Variants in OR11H4 observed in about 807,000 individuals in gnomAD.
OR11H4 encodes olfactory receptor 11H4.
For missense variants in OR11H4, 460 were observed against 371.1 expected (o/e 1.24, Z -1.97); for synonymous variants, 162 against 142.3 (o/e 1.14, Z -0.98).
In OR11H4 at chr14:20,240,008, A is replaced by T. The variant is rs892751966; in HGVS notation, c.-12+677A>T. On this transcript the variant is annotated intron_variant, in intron 1 of 1. Transcript: ENST00000641082. ...TTCTCCAAAGGCTTCAGAAAAAACAATGTTGCTGCTAATAAAGCACTTGCA... is the reference window on the plus strand; with the variant it reads ...TTCTCCAAAGGCTTCAGAAAAAACATTGTTGCTGCTAATAAAGCACTTGCA... Among the ~76,000 whole-genome samples the T allele has an allele frequency of 3.3e-5, 5 of 152,338 alleles. No individual in the cohort carries two copies. The East Asian group carries it at 9.6e-4, about 29-fold the overall frequency.
At chr14:20,241,937 CA>C (rs765333191) in intron 1 of OR11H4, among the ~76,000 whole-genome samples, 6 of 152,178 alleles carry the variant, frequency 3.9e-5, no homozygotes, top group Non-Finnish European at 8.8e-5. Flanking sequence ...TAAAGAATAA[CA>C]AGGCAGCATT....
In OR11H4 at chr14:20,242,851, A is replaced by G. The variant is rs758373198; in HGVS notation, c.30A>G (p.Thr10=). 1.2e-6 allele frequency: 2 copies of G among 1,613,962 alleles called. No homozygotes were observed. Among genetic ancestry groups the G allele is most frequent in the South Asian group, 1.1e-5 (1 of 91,070 alleles). MNRSATHIV[T]EFILLGFPGC... is the part of the protein sequence containing the mutation. ...ACAGGTCAGCAACACACATCGTGAC[A>G]GAGTTTATTCTCCTGGGATTCCCTG... is the stretch of plus-strand genomic sequence containing the variant. The change falls in exon 2 of 2, where the codon ACA becomes ACG. Residue 10 remains threonine, a synonymous_variant. Transcript: ENST00000641082.
rs549237030 is a variant in OR11H4, at chr14:20,240,924, C to T, written c.-12+1593C>T. Among the ~76,000 whole-genome samples the T allele has an allele frequency of 2.6e-5, 4 of 152,166 alleles. No individual in the cohort carries two copies. In the South Asian group the frequency reaches 6.2e-4, roughly 24 times the overall value. On this transcript the variant is annotated intron_variant, in intron 1 of 1. Coordinates refer to ENST00000641082, the MANE Select transcript of OR11H4 (RefSeq NM_001004479.2). The stretch of plus-strand genomic sequence containing the variant: ...TAATCAGCACATTTTAAGTATTAAT[C>T]AAGTATAAGATTACTGTTGTTTAAA...
At chr14:20,239,649 G>A (rs933073332) in intron 1 of OR11H4, among the ~76,000 whole-genome samples, 35 of 151,742 alleles carry the variant, frequency 2.3e-4, no homozygotes, top group African/African-American at 6.8e-4. Context: ...AGCCGAGATC[G>A]CGCCACTGCA....
At chr14:20,241,056 C>CA (rs1358983182) in intron 1 of OR11H4, among the ~76,000 whole-genome samples, 3 of 151,904 alleles carry the variant, frequency 2.0e-5, no homozygotes, top group Non-Finnish European at 4.4e-5. Flanking sequence ...TTTCAGTAAA[C>CA]AAAATTCTAA....
Position 20,243,483 on chromosome 14 carries a change from T to C in OR11H4, c.662T>C (p.Leu221Ser), listed in dbSNP as rs1880988406. ...TACATTCTTCGATCCTATATCCTGT[T>C]ACTAACAGCTGTTTTTCAGGTCCCT... ...SMYILRSYIL[L>S]LTAVFQVPSA... The change falls in exon 2 of 2, where the codon TTA becomes TCA. Residue 221 changes from leucine (L) to serine (S), a missense_variant. Coordinates refer to ENST00000641082, the MANE Select transcript of OR11H4 (RefSeq NM_001004479.2). The C allele has an allele frequency of 6.2e-7, 1 of 1,613,998 alleles. No individual in the cohort carries two copies. Among genetic ancestry groups the C allele is most frequent in the Non-Finnish European group, 8.5e-7 (1 of 1,179,950 alleles).
chr14:20,241,494 G>A (rs1419798290), intron 1 of OR11H4, among the ~76,000 whole-genome samples: 6 of 152,110 alleles, frequency 3.9e-5, no homozygotes, highest in Non-Finnish European at 8.8e-5. Flanking sequence ...AGCTGAAAAG[G>A]TCTTCTCAAG....
Position 20,243,973 on chromosome 14 carries a change from C to T in OR11H4, c.*207C>T. ...ACATCCACTTAAAAGTTTTCAAAGC[C>T]TGTCTTTATTAGAATGATAAAATGG... On this transcript the variant is annotated 3_prime_UTR_variant, in exon 2 of 2. Coordinates refer to ENST00000641082, the MANE Select transcript of OR11H4 (RefSeq NM_001004479.2). The T allele has an allele frequency of 2.3e-6, 1 of 443,886 alleles. No homozygotes were observed. The highest frequency in any genetic ancestry group is 3.9e-6 in the Non-Finnish European group (1 of 255,448). 27.5% of individuals were successfully genotyped at this position (443,886 alleles called of 1,614,324 possible).
chr14:20,239,461 G>C (rs961992518), intron 1 of OR11H4, 130 bp downstream of exon 1: 1 of 152,436 alleles, frequency 6.6e-6, no homozygotes, highest in Non-Finnish European at 1.5e-5. Context: ...TTGGGAGGCC[G>C]AGGCAGTCCG....
Position 20,243,037 on chromosome 14 carries a change from GTATGTGTCCTCCAC to G in OR11H4, c.220_233del (p.Val74SerfsTer2). ...GAAATTTTGCCTTCCTTGAGATCTGGTATGTGTCCTCCACTATTCCTAACATGCTAGTCAACATT... is the reference window on the plus strand; with the variant it reads ...GAAATTTTGCCTTCCTTGAGATCTGGTATTCCTAACATGCTAGTCAACATT... On this transcript the variant is annotated frameshift_variant, in exon 2 of 2. Transcript: ENST00000641082. LOFTEE classifies it low-confidence loss of function (END_TRUNC). The G allele has an allele frequency of 6.2e-7, 1 of 1,614,110 alleles. No homozygotes were observed. The highest frequency in any genetic ancestry group is 2.2e-5 in the East Asian group (1 of 44,880).
chr14:20,242,118 C>A (rs144273332), intron 1 of OR11H4, among the ~76,000 whole-genome samples: 2,928 of 151,550 alleles, frequency 0.019, 40 homozygotes, highest in African/African-American at 0.027. Context: ...TACTAATCCA[C>A]GTCAGCACAG....
At chr14:20,240,388 A>G (rs1419128122) in intron 1 of OR11H4, among the ~76,000 whole-genome samples, 1 of 152,168 alleles carries the variant, frequency 6.6e-6, no homozygotes, top group Non-Finnish European at 1.5e-5. Flanking sequence ...CTTAAAAACT[A>G]CCAAAGAACT....
chr14:20,242,105 T>A (rs1445893042), intron 1 of OR11H4, among the ~76,000 whole-genome samples: 2 of 152,012 alleles, frequency 1.3e-5, no homozygotes, highest in African/African-American at 4.8e-5. Flanking sequence ...GGCTTTCCTC[T>A]TTTACTAATC....
At chr14:20,241,847 A>C (rs536525940) in intron 1 of OR11H4, among the ~76,000 whole-genome samples, 24 of 152,250 alleles carry the variant, frequency 1.6e-4, no homozygotes, top group East Asian at 5.8e-4. Flanking sequence ...TGTCATAATT[A>C]AGTTCAAGGG....
At chr14:20,241,827 G>A (rs8009541) in intron 1 of OR11H4, among the ~76,000 whole-genome samples, 111,166 of 151,704 alleles carry the variant, frequency 0.73, 41,216 homozygotes, top group African/African-American at 0.8. Flanking sequence ...CATGTGAGCA[G>A]AAGAATCTAT....
At chr14:20,240,696 C>T (rs1440739418) in intron 1 of OR11H4, among the ~76,000 whole-genome samples, 3 of 151,192 alleles carry the variant, frequency 2.0e-5, no homozygotes, top group African/African-American at 4.9e-5. Context: ...TTCTGCTTGG[C>T]CTCCCAAGTA....
chr14:20,240,573 T>C (rs979706309), intron 1 of OR11H4, among the ~76,000 whole-genome samples: 7 of 142,624 alleles, frequency 4.9e-5, no homozygotes, highest in African/African-American at 1.9e-4. Flanking sequence ...ATATTGAAAC[T>C]ACCTTCTTTT....
rs570493245 is a variant in OR11H4 at position 20,241,906 on chromosome 14, C to T, written c.-11-905C>T. 1.3e-3 allele frequency among the ~76,000 whole-genome samples: 195 copies of T among 152,066 alleles called. 4 individuals carry two copies. In the South Asian group the frequency reaches 0.025, roughly 20 times the overall value. On this transcript the variant is annotated intron_variant, in intron 1 of 1. Coordinates refer to ENST00000641082, the MANE Select transcript of OR11H4 (RefSeq NM_001004479.2). ...CGTAGGCCAGATATATAGTTCTCTC[C>T]ACCCAAGTATCTCAGTGAAGTAAAG...
In OR11H4 at chr14:20,244,237, T is replaced by G. The variant is rs1881008855; in HGVS notation, c.*471T>G. On this transcript the variant is annotated 3_prime_UTR_variant, in exon 2 of 2. Coordinates refer to ENST00000641082, the MANE Select transcript of OR11H4 (RefSeq NM_001004479.2). ...TACTTACAACAATAATATGTGATTG[T>G]TGTAATAAATTCAAGCAATTCAGAA... 6.6e-6 allele frequency: 1 copy of G among 152,666 alleles called. No homozygotes were observed. The highest frequency in any genetic ancestry group is 2.4e-5 in the African/African-American group (1 of 41,454). 9.5% of individuals were successfully genotyped at this position (152,666 alleles called of 1,614,324 possible). A position where few individuals can be genotyped will look rare whatever the true frequency, so the allele number is the denominator to read the frequency against.
Sources: allele counts gnomAD v4.1 joint callset (sites outside exome capture counted in the v4.1 genomes callset), GRCh38; gene constraint gnomAD v4.1.1; transcripts MANE v1.5; gene names NCBI Gene and HGNC (gene_info 2026-07-23, HGNC 2026-07-21).